Variants in COL26A1 observed in about 807,000 individuals in gnomAD.
COL26A1 encodes collagen alpha-1(XXVI) chain.
Under a neutral mutation model 59.3 loss-of-function variants are expected in COL26A1, and 41 were observed. The ratio of observed to expected loss-of-function variants is 0.69; its 90% CI spans 0.54 to 0.90. The LOEUF (loss-of-function observed/expected upper bound fraction) is 0.90. Ranked by LOEUF, COL26A1 falls within the 40% of genes least tolerant of loss-of-function variation. COL26A1 has a pLI of 0.00. For synonymous variants in COL26A1, 266 were observed against 256.0 expected, an observed-to-expected ratio of 1.04 and a Z score of -0.37; for missense variants, 612 against 602.3, an observed-to-expected ratio of 1.02 and a Z score of -0.17.
intron 8 of COL26A1, among the ~76,000 whole-genome samples, chr7:101,548,767 C>T (rs562531231): frequency 1.7e-4 from 26 of 152,020 alleles, no homozygotes; most frequent in African/African-American, 5.8e-4. Flanking sequence ...TAGGAAGGGT[C>T]GATGATCAGG....
chr7:101,514,024 T>C (rs1454918502), intron 3 of COL26A1, among the ~76,000 whole-genome samples: 3 of 152,092 alleles, frequency 2.0e-5, no homozygotes, highest in East Asian at 1.9e-4. Context: ...TCATTAACAA[T>C]GTAGAAAATG....
chr7:101,407,478 A>T (rs549675231), intron 1 of COL26A1, among the ~76,000 whole-genome samples: 14 of 151,748 alleles, frequency 9.2e-5, no homozygotes, highest in African/African-American at 3.4e-4. Flanking sequence ...TCTAACTCTG[A>T]CATCAGCCTC....
intron 2 of COL26A1, among the ~76,000 whole-genome samples, chr7:101,432,676 C>T (rs1792809385): frequency 6.6e-6 from 1 of 152,006 alleles, no homozygotes; most frequent in African/African-American, 2.4e-5. Flanking sequence ...CCTAAGATGC[C>T]ATTGGTAGTA....
rs1362940017 is a variant in COL26A1 at position 101,363,336 on chromosome 7, G to A, written c.158+146G>A. On this transcript the variant is annotated intron_variant, in intron 1 of 12. Coordinates refer to ENST00000313669, the MANE Select transcript of COL26A1 (RefSeq NM_001278563.3). Reference sequence around the variant, plus strand: ...GGGGCGCAGGGCAGCGGGGACTGGGGGCTGCAGACACCGGGCAGCTGGAAC... The same window carrying A: ...GGGGCGCAGGGCAGCGGGGACTGGGAGCTGCAGACACCGGGCAGCTGGAAC... 15 of 689,730 alleles carry A rather than the reference G, an allele frequency of 2.2e-5. No individual in the cohort carries two copies. The Admixed American group carries it at 5.9e-4, about 27-fold the overall frequency. 42.7% of individuals were successfully genotyped at this position (689,730 alleles called of 1,614,324 possible). A position where few individuals can be genotyped will look rare whatever the true frequency, so the allele number is the denominator to read the frequency against.
At chr7:101,539,779 A>G (rs969665365) in intron 4 of COL26A1, 114 bp from the exon 5 acceptor site, 17 of 1,088,828 alleles carry the variant, frequency 1.6e-5, no homozygotes, top group Admixed American at 2.9e-5. Flanking sequence ...CGGGGCACAC[A>G]CAGCGTGGAC....
At chr7:101,520,662 A>ACACACACACACACACACCCC (rs915256077) in intron 3 of COL26A1, among the ~76,000 whole-genome samples, 2 of 143,240 alleles carry the variant, frequency 1.4e-5, no homozygotes, top group African/African-American at 5.2e-5. Context: ...ACACACACAC[A>ACACACACACACACACACCCC]CCCCCGTGTT....
At chr7:101,504,922 G>C (rs1442263423) in intron 3 of COL26A1, among the ~76,000 whole-genome samples, 1 of 152,192 alleles carries the variant, frequency 6.6e-6, no homozygotes, top group Admixed American at 6.6e-5. Flanking sequence ...GGGAGGCTGA[G>C]GCGGGCAGAT....
At chr7:101,499,410 C>T (rs1466991407) in intron 3 of COL26A1, among the ~76,000 whole-genome samples, 1 of 152,078 alleles carries the variant, frequency 6.6e-6, no homozygotes. Context: ...TGGCCGGGTG[C>T]GGTGGCTCAC....
At chr7:101,523,071 C>CT (rs543281151) in intron 3 of COL26A1, among the ~76,000 whole-genome samples, 2,572 of 140,386 alleles carry the variant, frequency 0.018, 68 homozygotes, top group African/African-American at 0.055. Context: ...AAAAGAAATT[C>CT]TTTTTTTTTT....
At chr7:101,386,547 G>GA (rs1383511950) in intron 1 of COL26A1, among the ~76,000 whole-genome samples, 1 of 152,222 alleles carries the variant, frequency 6.6e-6, no homozygotes, top group Non-Finnish European at 1.5e-5. Flanking sequence ...CTGAACCGCA[G>GA]GCCCCTGGGG....
At chr7:101,371,435 G>T (rs1791189218) in intron 1 of COL26A1, among the ~76,000 whole-genome samples, 1 of 151,960 alleles carries the variant, frequency 6.6e-6, no homozygotes, top group Non-Finnish European at 1.5e-5. Context: ...GATCACTTGA[G>T]CCCAGGAGTT....
Position 101,547,379 on chromosome 7 carries a change from C to T in COL26A1, c.940+140C>T, listed in dbSNP as rs898637211. The T allele has an allele frequency of 5.5e-6, 3 of 541,358 alleles. No individual in the cohort carries two copies. In the African/African-American group the frequency reaches 5.9e-5, roughly 11 times the overall value. 33.5% of individuals were successfully genotyped at this position (541,358 alleles called of 1,614,324 possible). On this transcript the variant is annotated intron_variant, in intron 8 of 12. Transcript: ENST00000313669. ...ATGCTGGGGACTGGGTCTGTCCCAC[C>T]CGCTGTGTGGCAGGAAATGAAGCCC...
At chr7:101,434,946 G>T (rs571778680) in intron 2 of COL26A1, among the ~76,000 whole-genome samples, 1 of 152,262 alleles carries the variant, frequency 6.6e-6, no homozygotes, top group East Asian at 1.9e-4. Flanking sequence ...CCTGGTCCGT[G>T]GGTTTCCCTT....
intron 2 of COL26A1, among the ~76,000 whole-genome samples, chr7:101,431,215 T>C (rs1372325677): frequency 6.6e-6 from 1 of 152,226 alleles, no homozygotes; most frequent in Non-Finnish European, 1.5e-5. Context: ...AACATTCTGC[T>C]ACTAAAGATG....
intron 3 of COL26A1, among the ~76,000 whole-genome samples, chr7:101,486,036 G>A (rs923848489): frequency 4.6e-5 from 7 of 152,036 alleles, no homozygotes; most frequent in African/African-American, 1.2e-4. Context: ...AGCTGGGCAC[G>A]GTGACGGGCA....
chr7:101,521,972 C>T (rs1795149256), intron 3 of COL26A1, among the ~76,000 whole-genome samples: 1 of 152,154 alleles, frequency 6.6e-6, no homozygotes. Flanking sequence ...GACCGTGTTG[C>T]ATTTCATTTT....
At chr7:101,377,747 C>T (rs1209974337) in intron 1 of COL26A1, among the ~76,000 whole-genome samples, 6 of 152,100 alleles carry the variant, frequency 3.9e-5, no homozygotes, top group Non-Finnish European at 7.3e-5. Flanking sequence ...TCTGAAGGAC[C>T]CACAGTTAAG....
chr7:101,448,899 A>T (rs999890749), intron 3 of COL26A1, among the ~76,000 whole-genome samples: 1 of 152,192 alleles, frequency 6.6e-6, no homozygotes, highest in African/African-American at 2.4e-5. Context: ...TGATAGCAGG[A>T]TCTATATGCT....
chr7:101,415,499 G>C (rs1253387930), intron 1 of COL26A1, among the ~76,000 whole-genome samples: 3 of 152,148 alleles, frequency 2.0e-5, no homozygotes, highest in African/African-American at 7.2e-5. Context: ...CTGAGGCTCA[G>C]AGAAGGGACA....
Sources: gnomAD v4.1 joint callset for allele counts (sites outside exome capture counted in the v4.1 genomes callset) on GRCh38, gnomAD v4.1.1 for gene constraint, MANE v1.5 for transcripts, NCBI Gene and HGNC (gene_info 2026-07-23, HGNC 2026-07-21) for gene names.